Variants in SH3RF3 observed in about 807,000 individuals in gnomAD.
The protein encoded by SH3RF3 is E3 ubiquitin-protein ligase SH3RF3.
In SH3RF3, 29 loss-of-function variants were observed where a neutral mutation model predicts 66.3. The observed-to-expected ratio is 0.44, with a 90% CI of 0.33 to 0.60. The LOEUF (loss-of-function observed/expected upper bound fraction) is 0.60, where lower values mean the gene tolerates loss of function less well. SH3RF3 is among the 20% of genes least tolerant of loss of function. The pLI is 0.04. For synonymous variants in SH3RF3, 583 were observed against 532.0 expected (o/e 1.10, Z -1.32); for missense variants, 1,194 against 1,190.9 (o/e 1.00, Z -0.04).
intron 5 of SH3RF3, among the ~76,000 whole-genome samples, chr2:109,431,505 T>C (rs1417323617): frequency 2.0e-5 from 3 of 152,208 alleles, no homozygotes; most frequent in Admixed American, 2.0e-4. Context: ...GAGAGTAGCT[T>C]GGCCCATGGG....
chr2:109,231,565 C>T (rs1000335743), intron 1 of SH3RF3, among the ~76,000 whole-genome samples: 1 of 152,172 alleles, frequency 6.6e-6, no homozygotes, highest in Non-Finnish European at 1.5e-5. Context: ...TGCTGTATTT[C>T]TTTATTCCAT....
intron 1 of SH3RF3, among the ~76,000 whole-genome samples, chr2:109,168,648 C>T (rs563114776): frequency 7.1e-6 from 1 of 141,144 alleles, no homozygotes; most frequent in East Asian, 2.1e-4. Flanking sequence ...CATGGACTGG[C>T]AGCTGCTCAA....
At chr2:109,313,319 A>T (rs968965317) in intron 1 of SH3RF3, among the ~76,000 whole-genome samples, 3 of 152,238 alleles carry the variant, frequency 2.0e-5, no homozygotes, top group African/African-American at 7.2e-5. Context: ...GGAGGCTGGC[A>T]TCTGTGTTTC....
At chr2:109,293,338 A>T (rs888790323) in intron 1 of SH3RF3, among the ~76,000 whole-genome samples, 1 of 152,218 alleles carries the variant, frequency 6.6e-6, no homozygotes, top group Admixed American at 6.5e-5. Context: ...AGAAGTGTCC[A>T]TTTGTGTGTC....
At chr2:109,373,738 G>A (rs1402262010) in intron 3 of SH3RF3, among the ~76,000 whole-genome samples, 2 of 152,150 alleles carry the variant, frequency 1.3e-5, no homozygotes, top group Non-Finnish European at 2.9e-5. Context: ...GCTGTAAAAT[G>A]GTGTCCAGTT....
intron 1 of SH3RF3, among the ~76,000 whole-genome samples, chr2:109,298,995 C>T (rs1681392649): frequency 6.6e-6 from 1 of 152,352 alleles, no homozygotes; most frequent in Non-Finnish European, 1.5e-5. Flanking sequence ...TGCACCAACC[C>T]CCACCCACTG....
intron 1 of SH3RF3, among the ~76,000 whole-genome samples, chr2:109,181,686 G>C (rs926158414): frequency 2.0e-5 from 3 of 152,162 alleles, no homozygotes; most frequent in Non-Finnish European, 4.4e-5. Flanking sequence ...GGCCACAGGG[G>C]GTTCCTATTC....
chr2:109,404,333 T>C (rs2104460006), intron 4 of SH3RF3, among the ~76,000 whole-genome samples: 1 of 152,208 alleles, frequency 6.6e-6, no homozygotes, highest in Admixed American at 6.5e-5. Context: ...CTGGGAGCTG[T>C]GTAAGGTGAG....
intron 1 of SH3RF3, among the ~76,000 whole-genome samples, chr2:109,296,975 C>A (rs1287558398): frequency 6.6e-6 from 1 of 152,106 alleles, no homozygotes; most frequent in Admixed American, 6.5e-5. Flanking sequence ...TAGTGATTTA[C>A]CTATTTCCTC....
chr2:109,437,077 C>G lies in SH3RF3; in HGVS notation c.1759C>G (p.Pro587Ala), dbSNP rs1677424550. The change falls in exon 7 of 10, where the codon CCA becomes GCA. Residue 587 changes from proline (P) to alanine (A), a missense_variant. Coordinates refer to ENST00000309415, the MANE Select transcript of SH3RF3 (RefSeq NM_001099289.3). ...AHAQHPTASP[P>A]TGSCLRHSAQ... ...CGCCCAGCACCCCACAGCCTCGCCCCCAACAGGCAGCTGTCTACGGCACTC... is the reference window on the plus strand; with the variant it reads ...CGCCCAGCACCCCACAGCCTCGCCCGCAACAGGCAGCTGTCTACGGCACTC... 6.2e-7 allele frequency: 1 copy of G among 1,613,624 alleles called. No homozygotes were observed. Among genetic ancestry groups the G allele is most frequent in the South Asian group, 1.1e-5 (1 of 91,056 alleles).
intron 3 of SH3RF3, among the ~76,000 whole-genome samples, chr2:109,386,785 G>A (rs987902438): frequency 6.6e-6 from 1 of 152,140 alleles, no homozygotes; most frequent in African/African-American, 2.4e-5. Context: ...GCTAGACCTT[G>A]CCTGAAACAT....
intron 1 of SH3RF3, among the ~76,000 whole-genome samples, chr2:109,248,272 T>G (rs1030911436): frequency 2.0e-5 from 3 of 152,256 alleles, no homozygotes; most frequent in African/African-American, 7.2e-5. Flanking sequence ...AATCTTTTTC[T>G]TTTCTGATGT....
intron 4 of SH3RF3, among the ~76,000 whole-genome samples, chr2:109,409,102 C>T (rs10185105): frequency 0.051 from 7,728 of 152,290 alleles, 372 homozygotes; most frequent in African/African-American, 0.12. Context: ...AAACTGGAGT[C>T]GGGTTGTGGA....
At position 109,330,357 on chromosome 2, in the gene SH3RF3, CT is replaced by C. The variant is rs528383377; in HGVS notation, c.574-17307del. ...GCCTATCTCTCTCCGTCTCTTCCTT[CT>C]TTTTTTTTTCTTGTCTTGGCATATC... On this transcript the variant is annotated intron_variant, in intron 1 of 9. Transcript: ENST00000309415. Among the ~76,000 whole-genome samples, 687 of 150,450 alleles carry C rather than the reference CT, an allele frequency of 4.6e-3. 2 individuals carry two copies. Among genetic ancestry groups the C allele is most frequent in the Non-Finnish European group, 6.7e-3 (453 of 67,452 alleles).
intron 1 of SH3RF3, among the ~76,000 whole-genome samples, chr2:109,290,481 A>G (rs867238790): frequency 5.3e-5 from 8 of 152,368 alleles, no homozygotes; most frequent in Admixed American, 2.6e-4. Context: ...TTCGTATTCT[A>G]TAGCGCCCAA....
chr2:109,182,904 T>G (rs554164378), intron 1 of SH3RF3, among the ~76,000 whole-genome samples: 1 of 152,332 alleles, frequency 6.6e-6, no homozygotes, highest in South Asian at 2.1e-4. Flanking sequence ...CACTCTCATA[T>G]TTCATAAAAT....
At chr2:109,425,884 TTTTCTTTCTTTC>T (rs545963830) in intron 5 of SH3RF3, among the ~76,000 whole-genome samples, 1 of 152,032 alleles carries the variant, frequency 6.6e-6, no homozygotes, top group Non-Finnish European at 1.5e-5. Context: ...AAGTACATCT[TTTTCTTTCTTTC>T]TTTCTTTCTT....
intron 3 of SH3RF3, among the ~76,000 whole-genome samples, chr2:109,397,184 G>T (rs1163522707): frequency 2.6e-5 from 4 of 152,090 alleles, no homozygotes; most frequent in Non-Finnish European, 5.9e-5. Context: ...ACCCTGCTCA[G>T]TTTCCGCTTG....
chr2:109,492,219 G>C (rs1679147204), intron 9 of SH3RF3, among the ~76,000 whole-genome samples: 3 of 152,312 alleles, frequency 2.0e-5, no homozygotes, highest in Admixed American at 2.0e-4. Context: ...ATAGTCTTCT[G>C]ATTTCTTTTT....
Sources: allele counts gnomAD v4.1 joint callset (sites outside exome capture counted in the v4.1 genomes callset), GRCh38; gene constraint gnomAD v4.1.1; transcripts MANE v1.5; gene names NCBI Gene and HGNC (gene_info 2026-07-23, HGNC 2026-07-21).